The following FCGRT variants were observed in gnomAD, a reference collection of about 807,000 sequenced individuals.
FCGRT encodes the protein Fc gamma receptor and transporter.
FCGRT carries 13 observed loss-of-function variants against 35.7 expected under a neutral mutation model. The ratio of observed to expected loss-of-function variants is 0.36; its 90% CI spans 0.24 to 0.58. The LOEUF (loss-of-function observed/expected upper bound fraction) is 0.58. FCGRT is among the 20% of genes least tolerant of loss of function. The pLI is 0.77. For missense variants in FCGRT, 455 were observed against 474.9 expected (o/e 0.96, Z 0.39); for synonymous variants, 233 against 216.5 (o/e 1.08, Z -0.67).
At chr19:49,524,332 A>G (rs962920842) in intron 4 of FCGRT, among the ~76,000 whole-genome samples, 175 bp from the exon 5 acceptor site, 2 of 152,116 alleles carry the variant, frequency 1.3e-5, no homozygotes, top group African/African-American at 2.4e-5. Flanking sequence ...TTGAGGGGAC[A>G]CCTTCGGGGT....
In FCGRT at chr19:49,519,743, A is replaced by C. The variant is rs185342926; in HGVS notation, c.602-4764A>C. ...TTGCTTCTGTGCTGTTCTGTGGACC[A>C]CTGGATTCGGGTGTTGTTATGAAGT... On this transcript the variant is annotated intron_variant, in intron 4 of 6. Transcript: ENST00000221466. Among the ~76,000 whole-genome samples the C allele has an allele frequency of 2.0e-5, 3 of 151,376 alleles. No individual in the cohort carries two copies. The East Asian group carries it at 5.8e-4, about 30-fold the overall frequency.
intron 4 of FCGRT, among the ~76,000 whole-genome samples, chr19:49,523,417 A>G (rs1428672491): frequency 6.6e-6 from 1 of 152,040 alleles, no homozygotes; most frequent in Admixed American, 6.6e-5. Context: ...AAATAAAAAA[A>G]TTACCCGGCA....
intron 1 of FCGRT, 62 bp from the exon 2 acceptor site, chr19:49,513,325 T>A (rs987632337): frequency 2.1e-5 from 17 of 822,876 alleles, no homozygotes; most frequent in East Asian, 3.4e-5. Context: ...GTGCCCGCGG[T>A]GTCCCGGGAG....
intron 4 of FCGRT, among the ~76,000 whole-genome samples, chr19:49,523,091 A>G (rs949605287): frequency 5.3e-5 from 8 of 151,898 alleles, no homozygotes; most frequent in Non-Finnish European, 5.9e-5. Context: ...TCTCTTTCTT[A>G]TAATGTGCTT....
In FCGRT at chr19:49,522,690, C is replaced by G. The variant is rs866293140; in HGVS notation, c.602-1817C>G. On this transcript the variant is annotated intron_variant, in intron 4 of 6. Coordinates refer to ENST00000221466, the MANE Select transcript of FCGRT (RefSeq NM_001136019.3). ...CTCGTGATCCTCCTGCCTCCACCCC[C>G]CAAAGCGCCAGGATTCTAGGTGTGA... Among the ~76,000 whole-genome samples the G allele has an allele frequency of 1.6e-4, 25 of 151,632 alleles. 1 individual carries two copies. The highest frequency in any genetic ancestry group is 2.9e-4 in the Non-Finnish European group (20 of 67,938).
In FCGRT at chr19:49,526,193, G is replaced by A; in HGVS notation, c.*74G>A. On this transcript the variant is annotated 3_prime_UTR_variant, in exon 7 of 7. Coordinates refer to ENST00000221466, the MANE Select transcript of FCGRT (RefSeq NM_001136019.3). ...ATGCTGTGAGACCTCCTGGAACACT[G>A]GCATCTCTGAGCCTCCAGAAGGGGT... The A allele has an allele frequency of 1.0e-6, 1 of 986,052 alleles. No individual in the cohort carries two copies. Among genetic ancestry groups the A allele is most frequent in the Non-Finnish European group, 1.6e-6 (1 of 620,540 alleles). 61.1% of individuals were successfully genotyped at this position (986,052 alleles called of 1,614,324 possible). A position where few individuals can be genotyped will look rare whatever the true frequency, so the allele number is the denominator to read the frequency against.
chr19:49,515,464 A>G (rs986719291), intron 4 of FCGRT, among the ~76,000 whole-genome samples: 8 of 152,048 alleles, frequency 5.3e-5, no homozygotes, highest in Non-Finnish European at 1.0e-4. Flanking sequence ...TACTTTTAGT[A>G]GAGATGGGGT....
At chr19:49,518,815 G>A (rs1439195335) in intron 4 of FCGRT, among the ~76,000 whole-genome samples, 1 of 150,382 alleles carries the variant, frequency 6.6e-6, no homozygotes, top group Admixed American at 6.6e-5. Flanking sequence ...GATTACAGGC[G>A]TGAGCCACCG....
intron 4 of FCGRT, among the ~76,000 whole-genome samples, chr19:49,524,009 C>CT (rs1469085043): frequency 6.7e-6 from 1 of 150,212 alleles, no homozygotes. Flanking sequence ...TAATTATCCT[C>CT]TATCTTTTTT....
chr19:49,522,270 T>G (rs1257650185), intron 4 of FCGRT, among the ~76,000 whole-genome samples: 5 of 150,790 alleles, frequency 3.3e-5, no homozygotes, highest in Non-Finnish European at 7.4e-5. Context: ...TAGTGGAGAC[T>G]ACGTCTTACT....
Position 49,523,080 on chromosome 19 carries a change from T to C in FCGRT, c.602-1427T>C, listed in dbSNP as rs191720644. On this transcript the variant is annotated intron_variant, in intron 4 of 6. Coordinates refer to ENST00000221466, the MANE Select transcript of FCGRT (RefSeq NM_001136019.3). ...GCGTGAGCCACCGCGCCTGGCCAAG[T>C]TCTCTTTCTTATAATGTGCTTTGTT... 8.2e-4 allele frequency among the ~76,000 whole-genome samples: 125 copies of C among 151,930 alleles called. 1 individual carries two copies. The highest frequency in any genetic ancestry group is 2.7e-3 in the African/African-American group (111 of 41,492).
chr19:49,514,653 G>GC (rs1425891458), intron 4 of FCGRT, among the ~76,000 whole-genome samples, 167 bp downstream of exon 4: 2 of 149,068 alleles, frequency 1.3e-5, no homozygotes. Context: ...GCTCCCCAGC[G>GC]CCCCCCAGGA....
chr19:49,519,356 T>C (rs1434575295), intron 4 of FCGRT, among the ~76,000 whole-genome samples: 3 of 152,136 alleles, frequency 2.0e-5, no homozygotes, highest in Non-Finnish European at 2.9e-5. Context: ...GATCTTCTCC[T>C]GTGTATTTTA....
At position 49,526,248 on chromosome 19, in the gene FCGRT, C is replaced by A. The variant is rs2080076870; in HGVS notation, c.*129C>A. ...GGCCTAGTTGTCCTCCCTCTGGAGC[C>A]CCGTCCTGTGGTCTGCCTCAGTTTC... On this transcript the variant is annotated 3_prime_UTR_variant, in exon 7 of 7. Coordinates refer to ENST00000221466, the MANE Select transcript of FCGRT (RefSeq NM_001136019.3). 2.6e-5 allele frequency: 17 copies of A among 659,342 alleles called. No homozygotes were observed. The South Asian group carries it at 3.0e-4, about 12-fold the overall frequency. The allele number at this position is 659,342 out of a possible 1,614,324, so 40.8% of individuals were successfully genotyped here. A position where few individuals can be genotyped will look rare whatever the true frequency, so the allele number is the denominator to read the frequency against.
At chr19:49,520,034 T>C (rs1431674327) in intron 4 of FCGRT, among the ~76,000 whole-genome samples, 2 of 151,530 alleles carry the variant, frequency 1.3e-5, no homozygotes, top group Non-Finnish European at 2.9e-5. Context: ...GGTTTCACTA[T>C]GTTGGGCAGG....
chr19:49,514,276 G>T lies in FCGRT; in HGVS notation c.391G>T (p.Ala131Ser), dbSNP rs1230163488. 1 of 1,610,890 alleles carries T rather than the reference G, an allele frequency of 6.2e-7. No homozygotes were observed. Among genetic ancestry groups the T allele is most frequent in the Non-Finnish European group, 8.5e-7 (1 of 1,178,718 alleles). ...CCCTGACAACACCTCGGTGCCCACC[G>T]CCAAGTTCGCCCTGAACGGCGAGGA... ...LGPDNTSVPT[A>S]KFALNGEEFM... The change falls in exon 4 of 7, where the codon GCC (alanine) becomes TCC (serine). Residue 131 changes from alanine (A) to serine (S), a missense_variant. Transcript: ENST00000221466.
At chr19:49,513,162 TC>T in intron 1 of FCGRT, 1 of 335,702 alleles carries the variant, frequency 3.0e-6, no homozygotes. Flanking sequence ...GTGGCGGAGC[TC>T]GGGGCCGGGA....
intron 4 of FCGRT, among the ~76,000 whole-genome samples, chr19:49,519,826 CTTTTTTTTT>C (rs57437959): frequency 1.7e-5 from 2 of 116,856 alleles, no homozygotes; most frequent in African/African-American, 3.5e-5. Context: ...TTGCCTTAAT[CTTTTTTTTT>C]TTTTTTTTTT....
intron 4 of FCGRT, chr19:49,516,329 G>A (rs911365049): frequency 1.5e-5 from 5 of 336,374 alleles, no homozygotes; most frequent in Middle Eastern, 8.0e-4. Context: ...TGCAACCTCC[G>A]CCTCCCAGGT....
Sources: gnomAD v4.1 joint callset for allele counts (sites outside exome capture counted in the v4.1 genomes callset) on GRCh38, gnomAD v4.1.1 for gene constraint, MANE v1.5 for transcripts, NCBI Gene and HGNC (gene_info 2026-07-23, HGNC 2026-07-21) for gene names.